RASSF8: variants seen among roughly 807,000 people sequenced by gnomAD.
The protein encoded by RASSF8 is Ras association domain family member 8.
A neutral mutation model predicts 48.5 loss-of-function variants in RASSF8; 22 were observed. The observed-to-expected ratio is 0.45, with a 90% CI of 0.32 to 0.65. The LOEUF (loss-of-function observed/expected upper bound fraction) is 0.65, where lower values mean the gene tolerates loss of function less well. Among genes scored for constraint, RASSF8 ranks in the 30% least tolerant of loss-of-function variants. The probability of loss-of-function intolerance (pLI) is 0.03; values close to 1 mark genes in which losing one functional copy is unlikely to be tolerated. For synonymous variants in RASSF8, 127 were observed against 171.5 expected, an observed-to-expected ratio of 0.74 and a Z score of 2.03; for missense variants, 418 against 489.2, an observed-to-expected ratio of 0.85 and a Z score of 1.37.
At position 26,071,416 on chromosome 12, in the gene RASSF8, A is replaced by AG. The variant is rs1943997997; in HGVS notation, c.*2598_*2599insG. The AG allele has an allele frequency of 2.1e-6, 2 of 942,398 alleles. No homozygotes were observed. Among genetic ancestry groups the AG allele is most frequent in the African/African-American group, 3.6e-5 (2 of 56,118 alleles). 58.4% of individuals were successfully genotyped at this position (942,398 alleles called of 1,614,324 possible). A position where few individuals can be genotyped will look rare whatever the true frequency, so the allele number is the denominator to read the frequency against. ...CAATGTTTTGTGTTTTTTTTAAAAA[A>AG]ATCATATTGCAACTTGTTTTATTGT... On this transcript the variant is annotated 3_prime_UTR_variant, in exon 6 of 6. Coordinates refer to ENST00000689635, the MANE Select transcript of RASSF8 (RefSeq NM_001394098.1).
intron 3 of RASSF8, among the ~76,000 whole-genome samples, chr12:26,062,408 A>G (rs1420507093): frequency 6.6e-6 from 1 of 152,220 alleles, no homozygotes; most frequent in Admixed American, 6.5e-5. Flanking sequence ...AAATGTAACT[A>G]ATATTATCTA....
At chr12:26,015,558 G>A (rs1942628790) in intron 2 of RASSF8, among the ~76,000 whole-genome samples, 2 of 152,150 alleles carry the variant, frequency 1.3e-5, no homozygotes. Flanking sequence ...TAATGTGTGA[G>A]GCCGTGGAAA....
chr12:26,062,915 T>A (rs1250997607), intron 3 of RASSF8, among the ~76,000 whole-genome samples: 1 of 152,176 alleles, frequency 6.6e-6, no homozygotes, highest in East Asian at 1.9e-4. Context: ...CACGTAGGAT[T>A]GTTTGCCTCC....
At chr12:26,042,612 A>AT (rs988573080) in intron 2 of RASSF8, among the ~76,000 whole-genome samples, 11 of 150,270 alleles carry the variant, frequency 7.3e-5, no homozygotes, top group Admixed American at 2.7e-4. Context: ...TACTGTGCTG[A>AT]TTTTTTTTTC....
intron 1 of RASSF8, among the ~76,000 whole-genome samples, chr12:25,989,550 A>G (rs984119727): frequency 3.3e-5 from 5 of 152,178 alleles, no homozygotes; most frequent in African/African-American, 1.2e-4. Context: ...TCAAATAGTC[A>G]TCTTATAGCT....
At chr12:25,976,966 TCA>T (rs1249592428) in intron 1 of RASSF8, among the ~76,000 whole-genome samples, 1 of 152,198 alleles carries the variant, frequency 6.6e-6, no homozygotes, top group Non-Finnish European at 1.5e-5. Flanking sequence ...GTTTATCCCC[TCA>T]TTGTTGGTTC....
At chr12:26,006,562 A>G (rs1213575985) in intron 2 of RASSF8, among the ~76,000 whole-genome samples, 1 of 152,218 alleles carries the variant, frequency 6.6e-6, no homozygotes, top group Non-Finnish European at 1.5e-5. Flanking sequence ...ATATGTTTAT[A>G]CAAGTGGACT....
chr12:25,969,127 T>A (rs1379189561), intron 1 of RASSF8, among the ~76,000 whole-genome samples: 1 of 152,186 alleles, frequency 6.6e-6, no homozygotes, highest in Admixed American at 6.5e-5. Flanking sequence ...CCCTATACCT[T>A]AGGCCTTATT....
At position 25,976,185 on chromosome 12, in the gene RASSF8, A is replaced by AC. The variant is rs779484856; in HGVS notation, c.-203+17037_-203+17038insC. On this transcript the variant is annotated intron_variant, in intron 1 of 5. Coordinates refer to ENST00000689635, the MANE Select transcript of RASSF8 (RefSeq NM_001394098.1). Reference sequence around the variant, plus strand: ...CTAAATTGAAAGGAAAACCCATCAGATCGACTTCCTAGGACTAAATTGAAA... The same window carrying AC: ...CTAAATTGAAAGGAAAACCCATCAGACTCGACTTCCTAGGACTAAATTGAAA... Among the ~76,000 whole-genome samples the AC allele has an allele frequency of 9.8e-5, 15 of 152,306 alleles. No individual in the cohort carries two copies. The East Asian group carries it at 2.7e-3, about 27-fold the overall frequency.
intron 2 of RASSF8, among the ~76,000 whole-genome samples, chr12:26,001,793 A>T: frequency 6.6e-6 from 1 of 151,324 alleles, no homozygotes; most frequent in East Asian, 1.9e-4. Context: ...AACTTAAAAA[A>T]AAAAAGGAAG....
At chr12:25,968,326 T>C (rs1411301457) in intron 1 of RASSF8, among the ~76,000 whole-genome samples, 2 of 150,024 alleles carry the variant, frequency 1.3e-5, no homozygotes, top group Non-Finnish European at 2.9e-5. Flanking sequence ...ACTCTTTCTT[T>C]GTTCTTTATT....
chr12:26,069,820 C>T lies in RASSF8; in HGVS notation c.*1002C>T. ...TAAGGTATTGCTTGCACATAATTTG[C>T]TCTGCATATTATGGACCATTGTGGT... On this transcript the variant is annotated 3_prime_UTR_variant, in exon 6 of 6. Transcript: ENST00000689635. The T allele has an allele frequency of 3.0e-6, 3 of 985,176 alleles. No homozygotes were observed. The highest frequency in any genetic ancestry group is 3.6e-6 in the Non-Finnish European group (3 of 829,714). The allele number at this position is 985,176 out of a possible 1,614,324, so 61.0% of individuals were successfully genotyped here.
At chr12:26,021,729 C>G (rs1490518219) in intron 2 of RASSF8, among the ~76,000 whole-genome samples, 1 of 152,130 alleles carries the variant, frequency 6.6e-6, no homozygotes, top group Non-Finnish European at 1.5e-5. Context: ...GAAAGGCAAG[C>G]CAAGAATACC....
chr12:26,004,931 G>A (rs1336994795), intron 2 of RASSF8, among the ~76,000 whole-genome samples: 1 of 152,134 alleles, frequency 6.6e-6, no homozygotes. Context: ...GAGCAGAAGG[G>A]TCACCTGAGG....
At chr12:25,962,560 A>C (rs182391411) in intron 1 of RASSF8, among the ~76,000 whole-genome samples, 44 of 152,306 alleles carry the variant, frequency 2.9e-4, no homozygotes, top group African/African-American at 1.1e-3. Flanking sequence ...ATATGTTGAT[A>C]TAATGAGTAA....
At chr12:25,984,219 C>T (rs900909889) in intron 1 of RASSF8, among the ~76,000 whole-genome samples, 12 of 141,756 alleles carry the variant, frequency 8.5e-5, no homozygotes, top group South Asian at 2.4e-4. Flanking sequence ...CACTGCTACA[C>T]GTAGCTTTTT....
intron 2 of RASSF8, among the ~76,000 whole-genome samples, chr12:26,023,291 A>G (rs1942829327): frequency 6.6e-6 from 1 of 152,180 alleles, no homozygotes; most frequent in Admixed American, 6.5e-5. Flanking sequence ...AACATTATAC[A>G]CTCAAAAAGC....
intron 2 of RASSF8, among the ~76,000 whole-genome samples, chr12:26,043,381 G>A (rs1187665820): frequency 2.6e-5 from 4 of 152,196 alleles, no homozygotes; most frequent in African/African-American, 9.7e-5. Context: ...GGAACTGGGA[G>A]AGTTGCAAGA....
At chr12:25,995,310 G>C (rs923724959) in intron 2 of RASSF8, among the ~76,000 whole-genome samples, 180 bp downstream of exon 2, 1 of 152,172 alleles carries the variant, frequency 6.6e-6, no homozygotes, top group East Asian at 1.9e-4. Context: ...AGTATAGGTG[G>C]TGATAGTATC....
Sources: allele counts gnomAD v4.1 joint callset (sites outside exome capture counted in the v4.1 genomes callset), GRCh38; gene constraint gnomAD v4.1.1; transcripts MANE v1.5; gene names NCBI Gene and HGNC (gene_info 2026-07-23, HGNC 2026-07-21).